MESP1: variants seen among roughly 807,000 people sequenced by gnomAD.
MESP1 encodes mesoderm posterior protein 1.
Under a neutral mutation model 15.2 loss-of-function variants are expected in MESP1, and 22 were observed. The ratio of observed to expected loss-of-function variants is 1.45; its 90% CI spans 1.04 to 2.07. The LOEUF (loss-of-function observed/expected upper bound fraction) is 2.07, where lower values mean the gene tolerates loss of function less well. MESP1 is among the 30% of genes most tolerant of loss of function. The pLI is 0.00. For missense variants in MESP1, 484 were observed against 411.9 expected (o/e 1.17, Z -1.51); for synonymous variants, 216 against 192.6 (o/e 1.12, Z -1.01).
rs1450163000 is a variant in MESP1 at position 89,751,225 on chromosome 15, G to A, written c.7C>T (p.Gln3Ter). The part of the protein sequence containing the change: MA[Q>*]PLCPPLSESW... ...TCGGAGAGCGGCGGGCACAGGGGCT[G>A]GGCCATGGCAGCGGCGGCGCGTCTG... is the stretch of plus-strand genomic sequence containing the variant. Residue 3 changes from glutamine (Q) to a stop codon, truncating the protein, a stop_gained, in exon 1 of 2, where the codon CAG (glutamine) becomes TAG (stop). Transcript: ENST00000300057. LOFTEE classifies it high-confidence loss of function. 1.6e-6 allele frequency: 2 copies of A among 1,239,436 alleles called. No individual in the cohort carries two copies. Among genetic ancestry groups the A allele is most frequent in the Non-Finnish European group, 2.0e-6 (2 of 992,788 alleles). The allele number at this position is 1,239,436 out of a possible 1,614,324, so 76.8% of individuals were successfully genotyped here. A position where few individuals can be genotyped will look rare whatever the true frequency, so the allele number is the denominator to read the frequency against.
At chr15:89,740,089 A>T in the MESP1 span, among the ~76,000 whole-genome samples, 1 of 151,954 alleles carries the variant, frequency 6.6e-6, no homozygotes, top group Non-Finnish European at 1.5e-5. Context: ...ATGATGCCTG[A>T]TTTTTTTTGG....
At chr15:89,733,195 C>A in the MESP1 span, 1 of 1,613,910 alleles carries the variant, frequency 6.2e-7, no homozygotes, top group East Asian at 2.2e-5. Context: ...ACCCAAGGAC[C>A]CACCATCAGT....
Position 89,749,914 on chromosome 15 carries a change from A to G in MESP1, c.*230T>C, listed in dbSNP as rs1968046985. ...TTTATTCACAAATAAATAAATTCAC[A>G]TTAGGCAGAGCCTCCTGCTTGCCTC... On this transcript the variant is annotated 3_prime_UTR_variant, in exon 2 of 2. Coordinates refer to ENST00000300057, the MANE Select transcript of MESP1 (RefSeq NM_018670.4). 3 of 556,214 alleles carry G rather than the reference A, an allele frequency of 5.4e-6. No individual in the cohort carries two copies. In the East Asian group the frequency reaches 8.6e-5, roughly 16 times the overall value. The allele number at this position is 556,214 out of a possible 1,614,324, so 34.5% of individuals were successfully genotyped here.
chr15:89,745,218 G>A (rs1054079165), downstream of MESP1, among the ~76,000 whole-genome samples: 2 of 152,166 alleles, frequency 1.3e-5, no homozygotes, highest in Non-Finnish European at 2.9e-5. This position sits in a 1 kb window ranked among gnomAD's most constrained non-coding sequence, Gnocchi z 4.8. Context: ...CTTTCCCAGC[G>A]TGTGAGGGGA....
downstream of MESP1, among the ~76,000 whole-genome samples, chr15:89,747,155 T>C: frequency 2.1e-5 from 3 of 146,056 alleles, no homozygotes; most frequent in African/African-American, 2.6e-5. Flanking sequence ...CACCCCTACC[T>C]TGCTGCCAGG....
chr15:89,738,715 T>C, the MESP1 span, among the ~76,000 whole-genome samples: 1,195 of 151,800 alleles, frequency 7.9e-3, 19 homozygotes, highest in African/African-American at 0.028. Flanking sequence ...CACATGTGGA[T>C]TGGTAGAAAA....
chr15:89,733,048 G>A, the MESP1 span: 1 of 1,614,126 alleles, frequency 6.2e-7, no homozygotes, highest in Non-Finnish European at 8.5e-7. Context: ...GGATGTTTCT[G>A]CCAAAGCATT....
chr15:89,751,060 G>T lies in MESP1; in HGVS notation c.172C>A (p.Pro58Thr), dbSNP rs750891199. The T allele has an allele frequency of 7.9e-7, 1 of 1,272,372 alleles. No individual in the cohort carries two copies. The highest frequency in any genetic ancestry group is 3.1e-5 in the East Asian group (1 of 32,460). The allele number at this position is 1,272,372 out of a possible 1,614,324, so 78.8% of individuals were successfully genotyped here. A position where few individuals can be genotyped will look rare whatever the true frequency, so the allele number is the denominator to read the frequency against. The change falls in exon 1 of 2, where the codon CCA (proline) becomes ACA (threonine). Residue 58 changes from proline to threonine, a missense_variant. By Grantham distance (38) the Pro-to-Thr change is conservative. Coordinates refer to ENST00000300057, the MANE Select transcript of MESP1 (RefSeq NM_018670.4). ...ADSPVASPARPGTLRDPRAPS... is the reference protein window; with the variant it reads ...ADSPVASPARTGTLRDPRAPS... Reference sequence around the variant, plus strand: ...GCGCGGGGGTCCCGGAGGGTGCCTGGCCGCGCGGGGCTCGCCACGGGGCTG... The same window carrying T: ...GCGCGGGGGTCCCGGAGGGTGCCTGTCCGCGCGGGGCTCGCCACGGGGCTG...
At chr15:89,750,270 G>A in intron 1 of MESP1, 43 bp from the exon 2 acceptor site, 1 of 1,606,882 alleles carries the variant, frequency 6.2e-7, no homozygotes, top group Non-Finnish European at 8.5e-7. Context: ...AGCACTGGTG[G>A]CCTTGTGCGG....
At chr15:89,742,619 C>T in the MESP1 span, among the ~76,000 whole-genome samples, 2 of 152,124 alleles carry the variant, frequency 1.3e-5, no homozygotes, top group East Asian at 3.9e-4. Context: ...CTGCAACCTC[C>T]ATCTCCCAGA....
intron 1 of MESP1, 34 bp downstream of exon 1, chr15:89,750,475 C>T: frequency 1.4e-6 from 2 of 1,461,510 alleles, no homozygotes; most frequent in South Asian, 1.4e-5. Flanking sequence ...CGCGGGGGCA[C>T]GGACGAAGGG....
chr15:89,737,519 C>T, the MESP1 span: 1 of 1,608,848 alleles, frequency 6.2e-7, no homozygotes, highest in Non-Finnish European at 8.5e-7. Flanking sequence ...CACGACCTTC[C>T]TGTGAGGGAC....
chr15:89,741,956 T>C, the MESP1 span, among the ~76,000 whole-genome samples: 2,983 of 152,312 alleles, frequency 0.02, 111 homozygotes, highest in African/African-American at 0.068. Flanking sequence ...TTTCACCATG[T>C]TGGCCAGGAT....
chr15:89,737,624 C>T, the MESP1 span: 42 of 1,614,046 alleles, frequency 2.6e-5, no homozygotes, highest in Admixed American at 2.3e-4. Flanking sequence ...TGTGGCCAAG[C>T]GTGAAATCAT....
rs1205283643 is a variant in MESP1 at position 89,750,549 on chromosome 15, C to A, written c.683G>T (p.Cys228Phe). 6.8e-7 allele frequency: 1 copy of A among 1,477,114 alleles called. No homozygotes were observed. Among genetic ancestry groups the A allele is most frequent in the African/African-American group, 1.4e-5 (1 of 69,738 alleles). 91.5% of individuals were successfully genotyped at this position (1,477,114 alleles called of 1,614,324 possible). The change falls in exon 1 of 2, where the codon TGC becomes TTC. Residue 228 changes from cysteine to phenylalanine, a missense_variant. By Grantham distance (205) the Cys-to-Phe change is radical (BLOSUM62 -2). Transcript: ENST00000300057. ...DPPALFAEAA[C>F]PEGQAMEPSP... ...TGGCTCCATCGCCTGCCCTTCAGGG[C>A]ACGCCGCCTCGGCGAACAGCGCAGG...
chr15:89,750,201 C>T lies in MESP1; in HGVS notation c.750G>A (p.Leu250=). 1 of 1,614,086 alleles carries T rather than the reference C, an allele frequency of 6.2e-7. No homozygotes were observed. Among genetic ancestry groups the T allele is most frequent in the Non-Finnish European group, 8.5e-7 (1 of 1,180,020 alleles). Residue 250 remains leucine, a synonymous_variant, in exon 2 of 2, where the codon CTG becomes CTA. Transcript: ENST00000300057. Reference sequence around the variant, plus strand: ...GCGAGAGGGGCATCCAGGTCTCCAACAGAGCCAGCACGTCGCCCGGAAGGA... The same window carrying T: ...GCGAGAGGGGCATCCAGGTCTCCAATAGAGCCAGCACGTCGCCCGGAAGGA... The part of the protein sequence containing the change: ...SPLLPGDVLA[L]LETWMPLSPL...
the MESP1 span, among the ~76,000 whole-genome samples, chr15:89,740,926 G>GTA: frequency 6.6e-6 from 1 of 152,048 alleles, no homozygotes; most frequent in Non-Finnish European, 1.5e-5. Flanking sequence ...GATCACCTAA[G>GTA]GCCAGGCGTT....
At chr15:89,743,234 G>T in the MESP1 span, 2 of 1,577,008 alleles carry the variant, frequency 1.3e-6, no homozygotes, top group Admixed American at 1.7e-5. Flanking sequence ...TGCCCTGGGG[G>T]CTCGGGAGCT....
chr15:89,750,884 C>G lies in MESP1; in HGVS notation c.348G>C (p.Ala116=), dbSNP rs1362590830. The stretch of plus-strand genomic sequence containing the variant: ...TCTCGATCTTGGTCAGGCTCTGGCC[C>G]GCGGGCGCCACGGACGGCGGTAGAA... ...RRFLPPSVAP[A]GQSLTKIETL... Residue 116 remains alanine, a synonymous_variant, in exon 1 of 2, where the codon GCG becomes GCC. Transcript: ENST00000300057. 2.1e-5 allele frequency: 32 copies of G among 1,505,170 alleles called. No homozygotes were observed. Among genetic ancestry groups the G allele is most frequent in the Non-Finnish European group, 2.7e-5 (31 of 1,133,090 alleles). 93.2% of individuals were successfully genotyped at this position (1,505,170 alleles called of 1,614,324 possible).
Sources: allele counts gnomAD v4.1 joint callset (sites outside exome capture counted in the v4.1 genomes callset), GRCh38; gene constraint gnomAD v4.1.1; non-coding constraint Gnocchi (gnomAD v3.1); transcripts MANE v1.5; gene names NCBI Gene and HGNC (gene_info 2026-07-23, HGNC 2026-07-21).